The following CAST variants were observed in gnomAD, a reference collection of about 807,000 sequenced individuals.
CAST encodes the protein MIR583 host.
A neutral mutation model predicts 119.6 loss-of-function variants in CAST; 76 were observed. The observed-to-expected ratio is 0.64, with a 90% CI of 0.53 to 0.77. The LOEUF (loss-of-function observed/expected upper bound fraction) is 0.77, where lower values mean the gene tolerates loss of function less well. CAST is among the 30% of genes least tolerant of loss of function. The pLI, the probability that CAST is intolerant of heterozygous loss-of-function variation, is 0.00. For synonymous variants in CAST, 319 were observed against 331.6 expected (o/e 0.96, Z 0.41); for missense variants, 953 against 946.5 (o/e 1.01, Z -0.09).
chr5:96,662,341 C>A, upstream of CAST: 1 of 865,840 alleles, frequency 1.2e-6, no homozygotes, highest in Non-Finnish European at 1.5e-6. Flanking sequence ...CCCTCCCTCT[C>A]TCCCTGGCAG....
At chr5:96,346,212 T>C in the CAST span, among the ~76,000 whole-genome samples, 3 of 152,280 alleles carry the variant, frequency 2.0e-5, no homozygotes, top group Non-Finnish European at 4.4e-5. Flanking sequence ...TGAAGAAGAC[T>C]CCAGATTTCG....
chr5:96,234,803 G>C, the CAST span, among the ~76,000 whole-genome samples: 1 of 152,108 alleles, frequency 6.6e-6, no homozygotes, highest in Non-Finnish European at 1.5e-5. Context: ...GTCTGGGGAG[G>C]TGTGTGTGGG....
chr5:96,506,259 A>G, the CAST span, among the ~76,000 whole-genome samples: 1 of 152,208 alleles, frequency 6.6e-6, no homozygotes, highest in Non-Finnish European at 1.5e-5. Context: ...AGAATTCCTG[A>G]AGAGATTCTT....
At chr5:96,710,925 A>G (rs1167044477) in intron 3 of CAST, among the ~76,000 whole-genome samples, 1 of 151,720 alleles carries the variant, frequency 6.6e-6, no homozygotes, top group Non-Finnish European at 1.5e-5. Flanking sequence ...TGGAGGTTTA[A>G]TCTCTCTTGG....
the CAST span, among the ~76,000 whole-genome samples, chr5:96,077,109 T>C: frequency 2.0e-5 from 3 of 152,032 alleles, no homozygotes; most frequent in Non-Finnish European, 4.4e-5. Flanking sequence ...ATTTGCTGAC[T>C]GCTACTGGCA....
the CAST span, among the ~76,000 whole-genome samples, chr5:96,503,809 C>G: frequency 1.3e-5 from 2 of 152,214 alleles, no homozygotes; most frequent in Non-Finnish European, 2.9e-5. Context: ...CACCTCCACC[C>G]TTTTAGTCCT....
the CAST span, among the ~76,000 whole-genome samples, chr5:96,386,136 T>G: frequency 4.6e-5 from 7 of 152,262 alleles, no homozygotes; most frequent in Non-Finnish European, 8.8e-5. Context: ...AGAAAGAATC[T>G]GTTTTGTATT....
At chr5:96,441,934 T>C in the CAST span, among the ~76,000 whole-genome samples, 1 of 152,174 alleles carries the variant, frequency 6.6e-6, no homozygotes, top group Non-Finnish European at 1.5e-5. Flanking sequence ...GCAAGAGCCA[T>C]GATTGTAGGA....
the CAST span, among the ~76,000 whole-genome samples, chr5:96,500,443 T>C: frequency 6.6e-6 from 1 of 152,228 alleles, no homozygotes; most frequent in Middle Eastern, 3.2e-3. Context: ...TAGAGGAATG[T>C]TGTCTGTAAT....
At chr5:96,661,419 GAAAAAAAAAA>G (rs34922511), upstream of CAST, among the ~76,000 whole-genome samples, 1 of 88,400 alleles carries the variant, frequency 1.1e-5, no homozygotes, top group Admixed American at 1.3e-4. Context: ...TGCCTCTCCA[GAAAAAAAAAA>G]AAAAAAAAAA....
chr5:96,519,119 C>T, the CAST span, among the ~76,000 whole-genome samples: 2 of 152,134 alleles, frequency 1.3e-5, no homozygotes, highest in African/African-American at 4.8e-5. Flanking sequence ...TCCTTTGATT[C>T]AAATTTTCTG....
At chr5:95,970,692 T>C in the CAST span, among the ~76,000 whole-genome samples, 1 of 152,236 alleles carries the variant, frequency 6.6e-6, no homozygotes, top group Non-Finnish European at 1.5e-5. Flanking sequence ...TGATGACTAA[T>C]GAATAGAAAT....
chr5:96,623,694 G>C (rs1224855563), intron 1 of CAST, among the ~76,000 whole-genome samples: 2 of 151,992 alleles, frequency 1.3e-5, no homozygotes, highest in Admixed American at 1.3e-4. Flanking sequence ...TTTTATTTTA[G>C]GATTATAATA....
the CAST span, among the ~76,000 whole-genome samples, chr5:96,031,307 T>C: frequency 6.6e-6 from 1 of 152,100 alleles, no homozygotes; most frequent in African/African-American, 2.4e-5. Context: ...TATCTTCTCT[T>C]TTTCTAGTCT....
the CAST span, among the ~76,000 whole-genome samples, chr5:96,225,724 CAG>C: frequency 6.6e-6 from 1 of 152,060 alleles, no homozygotes; most frequent in South Asian, 2.1e-4. Flanking sequence ...CTAACAGAAA[CAG>C]AGGTAAAAGA....
chr5:96,444,649 C>G, the CAST span, among the ~76,000 whole-genome samples: 1 of 152,058 alleles, frequency 6.6e-6, no homozygotes, highest in Admixed American at 6.5e-5. Flanking sequence ...TATAAATGTT[C>G]CTTTTAATTT....
chr5:95,987,444 T>C, the CAST span, among the ~76,000 whole-genome samples: 1 of 152,124 alleles, frequency 6.6e-6, no homozygotes, highest in Non-Finnish European at 1.5e-5. Context: ...TTCGGAGATA[T>C]GCACGTGCCT....
chr5:96,645,459 A>T (rs1295082923), intron 1 of CAST, among the ~76,000 whole-genome samples: 2 of 152,210 alleles, frequency 1.3e-5, no homozygotes, highest in African/African-American at 2.4e-5. Context: ...TAATTTTTAA[A>T]TGTGAAAATT....
chr5:96,212,012 T>C, the CAST span, among the ~76,000 whole-genome samples: 1 of 152,132 alleles, frequency 6.6e-6, no homozygotes. Context: ...TTGTGGATTT[T>C]CTTTTTTTTC....
Sources: allele counts gnomAD v4.1 joint callset (sites outside exome capture counted in the v4.1 genomes callset), GRCh38; gene constraint gnomAD v4.1.1; transcripts MANE v1.5; gene names NCBI Gene and HGNC (gene_info 2026-07-23, HGNC 2026-07-21).